Variants in SLC24A4 observed in about 807,000 individuals in gnomAD.
SLC24A4 encodes sodium/potassium/calcium exchanger 4.
Under a neutral mutation model 79.0 loss-of-function variants are expected in SLC24A4, and 53 were observed. That is an observed-to-expected ratio of 0.67 (90% CI 0.54 to 0.84). The LOEUF (loss-of-function observed/expected upper bound fraction) is 0.84, where lower values mean the gene tolerates loss of function less well. SLC24A4 is among the 40% of genes least tolerant of loss of function. The pLI is 0.00. For missense variants in SLC24A4, 731 were observed against 822.0 expected (o/e 0.89, Z 1.35); for synonymous variants, 323 against 323.8 (o/e 1.00, Z 0.03).
rs150694165 is a variant in SLC24A4 at position 92,454,577 on chromosome 14, T to A, written c.1050+508T>A. ...TATAAACAGTATAGCAAAGATAGGT[T>A]CATTGCTCACCAACTTTTCCAGTCT... On this transcript the variant is annotated intron_variant, in intron 11 of 16. Coordinates refer to ENST00000532405, the MANE Select transcript of SLC24A4 (RefSeq NM_153646.4). Among the ~76,000 whole-genome samples, 785 of 152,360 alleles carry A rather than the reference T, an allele frequency of 5.2e-3. 6 individuals are homozygous for A. Among genetic ancestry groups the A allele is most frequent in the Middle Eastern group, 0.02 (6 of 294 alleles).
chr14:92,431,644 G>C (rs910394013), intron 2 of SLC24A4, among the ~76,000 whole-genome samples: 1 of 152,216 alleles, frequency 6.6e-6, no homozygotes, highest in African/African-American at 2.4e-5. Context: ...AGGGCATGCC[G>C]CACATAATAA....
rs945439046 is a variant in SLC24A4 at position 92,499,129 on chromosome 14, C to G, written c.*5501C>G. ...CCATAGTCTCTGTTAAATCCTCAAACATTCACAAGCACACACTGCCAGGGG... is the reference window on the plus strand; with the variant it reads ...CCATAGTCTCTGTTAAATCCTCAAAGATTCACAAGCACACACTGCCAGGGG... On this transcript the variant is annotated 3_prime_UTR_variant, in exon 17 of 17. Transcript: ENST00000532405. 1 of 152,234 alleles carries G rather than the reference C, an allele frequency of 6.6e-6. No individual in the cohort carries two copies. Among genetic ancestry groups the G allele is most frequent in the South Asian group, 2.1e-4 (1 of 4,832 alleles). 9.4% of individuals were successfully genotyped at this position (152,234 alleles called of 1,614,324 possible). A position where few individuals can be genotyped will look rare whatever the true frequency, so the allele number is the denominator to read the frequency against.
intron 12 of SLC24A4, among the ~76,000 whole-genome samples, chr14:92,467,925 A>G (rs9323877): frequency 0.3 from 46,240 of 152,052 alleles, 7,657 homozygotes; most frequent in East Asian, 0.47. Flanking sequence ...TCTATTCCAC[A>G]TTATGCTGAG....
intron 2 of SLC24A4, among the ~76,000 whole-genome samples, chr14:92,426,623 G>A (rs936583561): frequency 1.3e-5 from 2 of 152,182 alleles, no homozygotes; most frequent in Admixed American, 6.5e-5. Flanking sequence ...TGCTAGTTAA[G>A]TCAGTGACTT....
At chr14:92,457,926 G>T (rs59330515) in intron 12 of SLC24A4, among the ~76,000 whole-genome samples, 1 of 152,156 alleles carries the variant, frequency 6.6e-6, no homozygotes, top group Admixed American at 6.5e-5. Flanking sequence ...ACCTGCCTGC[G>T]GTAGGTGGCG....
chr14:92,447,722 G>A (rs114951037), intron 9 of SLC24A4, among the ~76,000 whole-genome samples: 1,867 of 152,324 alleles, frequency 0.012, 39 homozygotes, highest in African/African-American at 0.042. Context: ...CCTGCTCTGG[G>A]CAGCTTCTCC....
intron 12 of SLC24A4, among the ~76,000 whole-genome samples, chr14:92,463,991 T>C (rs1006088139): frequency 3.9e-5 from 6 of 152,244 alleles, no homozygotes; most frequent in African/African-American, 1.4e-4. Context: ...TTATTCCTTT[T>C]TATGGCTGAA....
At chr14:92,471,797 G>A (rs1445946218) in intron 12 of SLC24A4, among the ~76,000 whole-genome samples, 3 of 152,168 alleles carry the variant, frequency 2.0e-5, no homozygotes, top group African/African-American at 7.2e-5. Flanking sequence ...TTCCCTAAAG[G>A]AAAATTGGCA....
At chr14:92,415,771 T>A (rs2141805616) in intron 2 of SLC24A4, among the ~76,000 whole-genome samples, 1 of 151,000 alleles carries the variant, frequency 6.6e-6, no homozygotes, top group South Asian at 2.1e-4. Context: ...ATGTTTTTAT[T>A]TTTTTTTTAA....
intron 12 of SLC24A4, among the ~76,000 whole-genome samples, chr14:92,468,796 C>A (rs1894262995): frequency 6.6e-6 from 1 of 152,024 alleles, no homozygotes; most frequent in African/African-American, 2.4e-5. Context: ...AAATATAAAA[C>A]TCTTAGAGGA....
At chr14:92,390,296 G>A (rs1486432399) in intron 2 of SLC24A4, among the ~76,000 whole-genome samples, 2 of 151,978 alleles carry the variant, frequency 1.3e-5, no homozygotes, top group Non-Finnish European at 1.5e-5. Context: ...CATCTCGCCT[G>A]CATCGAGCCT....
At chr14:92,484,665 T>C in intron 13 of SLC24A4, 1 of 985,374 alleles carries the variant, frequency 1.0e-6, no homozygotes, top group Non-Finnish European at 1.2e-6. Context: ...CTGGCCTTGG[T>C]TCAGCTAAAT....
rs149544741 is a variant in SLC24A4, at chr14:92,449,096, T to G, written c.760T>G (p.Phe254Val). The G allele has an allele frequency of 1.2e-6, 2 of 1,614,044 alleles. No homozygotes were observed. Among genetic ancestry groups the G allele is most frequent in the Non-Finnish European group, 8.5e-7 (1 of 1,179,938 alleles). The change falls in exon 10 of 17, where the codon TTT becomes GTT. Residue 254 changes from phenylalanine (F) to valine (V), a missense_variant. Phe to Val is a conservative substitution (Grantham distance 50). Coordinates refer to ENST00000532405, the MANE Select transcript of SLC24A4 (RefSeq NM_153646.4). ...IMKYNVKMQA[F>V]FTVKQKSIAN... is the part of the protein sequence containing the mutation. ...CAGGTACAATGTGAAGATGCAAGCC[T>G]TTTTCACAGTCAAACAAAAGAGCAT...
At chr14:92,465,699 G>T (rs1022241292) in intron 12 of SLC24A4, among the ~76,000 whole-genome samples, 9 of 152,110 alleles carry the variant, frequency 5.9e-5, no homozygotes, top group Non-Finnish European at 1.2e-4. Context: ...GACTGTGCCT[G>T]TGTGAGAAGG....
chr14:92,330,529 G>A (rs1181609756), intron 2 of SLC24A4, among the ~76,000 whole-genome samples: 1 of 152,234 alleles, frequency 6.6e-6, no homozygotes, highest in Non-Finnish European at 1.5e-5. Flanking sequence ...GTATGATGTA[G>A]GAATGAGTGG....
Position 92,445,358 on chromosome 14 carries a change from G to A in SLC24A4, c.683+16G>A. The A allele has an allele frequency of 1.2e-6, 2 of 1,612,854 alleles. No homozygotes were observed. Among genetic ancestry groups the A allele is most frequent in the South Asian group, 1.1e-5 (1 of 90,960 alleles). On this transcript the variant is annotated intron_variant, in intron 8 of 16. Coordinates refer to ENST00000532405, the MANE Select transcript of SLC24A4 (RefSeq NM_153646.4). ...AAATTGTGTGGTAAGTTTTTCAAGT[G>A]TAGTTTTCATTGTTCTTTTTTGTTG...
At chr14:92,348,674 A>G (rs1461588263) in intron 2 of SLC24A4, among the ~76,000 whole-genome samples, 1 of 152,096 alleles carries the variant, frequency 6.6e-6, no homozygotes, top group East Asian at 1.9e-4. Context: ...TCTAAGATTC[A>G]TACTAAGACA....
At chr14:92,326,831 ACAT>A (rs3032588) in intron 2 of SLC24A4, among the ~76,000 whole-genome samples, 16,145 of 152,150 alleles carry the variant, frequency 0.11, 986 homozygotes, top group East Asian at 0.17. Context: ...TGGGCAGATC[ACAT>A]CATCTTTTTG....
At chr14:92,465,928 A>T (rs1894088190) in intron 12 of SLC24A4, among the ~76,000 whole-genome samples, 1 of 151,988 alleles carries the variant, frequency 6.6e-6, no homozygotes, top group African/African-American at 2.4e-5. Context: ...CATCCCTTTC[A>T]TTCTTCCTCT....
Sources: allele counts gnomAD v4.1 joint callset (sites outside exome capture counted in the v4.1 genomes callset), GRCh38; gene constraint gnomAD v4.1.1; transcripts MANE v1.5; gene names NCBI Gene and HGNC (gene_info 2026-07-23, HGNC 2026-07-21).